The following PTPRG variants were observed in gnomAD, a reference collection of about 807,000 sequenced individuals.
The protein encoded by PTPRG is protein tyrosine phosphatase receptor type G, also known as receptor-type tyrosine-protein phosphatase gamma.
PTPRG carries 102 observed loss-of-function variants against 165.3 expected under a neutral mutation model. That is an observed-to-expected ratio of 0.62 (90% CI 0.53 to 0.73). The LOEUF (loss-of-function observed/expected upper bound fraction) is 0.73, where lower values mean the gene tolerates loss of function less well. Ranked by LOEUF, PTPRG falls within the 30% of genes least tolerant of loss-of-function variation. PTPRG has a pLI of 0.00. For synonymous variants in PTPRG, 675 were observed against 669.5 expected, an observed-to-expected ratio of 1.01 and a Z score of -0.13; for missense variants, 1,866 against 1,861.4, an observed-to-expected ratio of 1.00 and a Z score of -0.05.
At chr3:61,856,310 C>T (rs2037104240) in intron 2 of PTPRG, among the ~76,000 whole-genome samples, 1 of 152,016 alleles carries the variant, frequency 6.6e-6, no homozygotes, top group Non-Finnish European at 1.5e-5. Flanking sequence ...TCCCCACTTC[C>T]CATTTCCCAC....
chr3:61,784,117 CTGTGG>C (rs2034623131), intron 2 of PTPRG, among the ~76,000 whole-genome samples: 1 of 152,130 alleles, frequency 6.6e-6, no homozygotes. Context: ...GAAAACTACA[CTGTGG>C]ACCTAAGAGC....
rs895750816 is a variant in PTPRG, at chr3:61,888,458, C to T, written c.191-101167C>T. ...ACGCCATTTTCCTGCCTCAGCCTCC[C>T]GAGTAGCTGGGACTGGCCCCTGCCA... On this transcript the variant is annotated intron_variant, in intron 2 of 29. Transcript: ENST00000474889. 6.6e-5 allele frequency among the ~76,000 whole-genome samples: 10 copies of T among 151,960 alleles called. No individual in the cohort carries two copies. In the South Asian group the frequency reaches 1.0e-3, roughly 16 times the overall value.
At chr3:62,111,071 G>A (rs1194850954) in intron 5 of PTPRG, among the ~76,000 whole-genome samples, 3 of 152,218 alleles carry the variant, frequency 2.0e-5, no homozygotes, top group African/African-American at 7.2e-5. Context: ...GGAGCCAGAT[G>A]TAGGGAGTCT....
intron 3 of PTPRG, among the ~76,000 whole-genome samples, chr3:61,993,462 G>A (rs189972829): frequency 5.9e-5 from 9 of 152,066 alleles, no homozygotes; most frequent in African/African-American, 1.4e-4. Flanking sequence ...CAGGTGATCC[G>A]CCCACTTCTG....
At chr3:62,179,589 A>G (rs1308682402) in intron 8 of PTPRG, among the ~76,000 whole-genome samples, 1 of 152,176 alleles carries the variant, frequency 6.6e-6, no homozygotes, top group Non-Finnish European at 1.5e-5. Flanking sequence ...TGCTCTTCAG[A>G]GCGTATGGAC....
At chr3:61,883,803 C>G (rs1221296968) in intron 2 of PTPRG, among the ~76,000 whole-genome samples, 1 of 152,162 alleles carries the variant, frequency 6.6e-6, no homozygotes, top group African/African-American at 2.4e-5. Flanking sequence ...CCCTACCTCT[C>G]AGGCTTAAGC....
intron 1 of PTPRG, among the ~76,000 whole-genome samples, chr3:61,701,084 T>A (rs1325880231): frequency 1.3e-5 from 2 of 152,176 alleles, no homozygotes; most frequent in African/African-American, 4.8e-5. Flanking sequence ...CTCCCTGCCC[T>A]CCTTGCTTGC....
intron 2 of PTPRG, among the ~76,000 whole-genome samples, chr3:61,843,964 CTTTTT>C (rs11310810): frequency 2.5e-5 from 3 of 122,090 alleles, no homozygotes; most frequent in Non-Finnish European, 1.7e-5. Context: ...TTTTACAACT[CTTTTT>C]TTTTTTTTTT....
intron 7 of PTPRG, among the ~76,000 whole-genome samples, chr3:62,157,973 A>G (rs1224601034): frequency 6.6e-6 from 1 of 152,200 alleles, no homozygotes; most frequent in Non-Finnish European, 1.5e-5. Context: ...CCAAAGATTC[A>G]TGGTTAATGA....
intron 2 of PTPRG, among the ~76,000 whole-genome samples, chr3:61,894,521 ACAGT>A (rs1206433891): frequency 6.6e-6 from 1 of 152,130 alleles, no homozygotes; most frequent in African/African-American, 2.4e-5. Flanking sequence ...ATGGTTTTTG[ACAGT>A]CATCTCTTAT....
intron 2 of PTPRG, among the ~76,000 whole-genome samples, chr3:61,898,991 C>A (rs1195168008): frequency 6.6e-6 from 1 of 152,154 alleles, no homozygotes; most frequent in Non-Finnish European, 1.5e-5. Context: ...TCACTGTAGC[C>A]TTGAGTTCTT....
intron 2 of PTPRG, among the ~76,000 whole-genome samples, chr3:61,790,904 G>A (rs549538327): frequency 6.6e-6 from 1 of 152,226 alleles, no homozygotes; most frequent in African/African-American, 2.4e-5. Context: ...ATATCAATAA[G>A]ATTAAAGTAT....
chr3:62,278,506 ATAAAAGTTACTGTGTG>A (rs1329235262), intron 26 of PTPRG, among the ~76,000 whole-genome samples: 1 of 152,104 alleles, frequency 6.6e-6, no homozygotes, highest in African/African-American at 2.4e-5. Context: ...AGCTGGGTCT[ATAAAAGTTACTGTGTG>A]GACATGTGAA....
At chr3:62,207,445 CT>C (rs1483967690) in intron 12 of PTPRG, among the ~76,000 whole-genome samples, 1 of 152,218 alleles carries the variant, frequency 6.6e-6, no homozygotes, top group Non-Finnish European at 1.5e-5. Flanking sequence ...TCACCCTGTC[CT>C]TTGCCCTGTC....
chr3:62,028,398 A>C (rs897248913), intron 4 of PTPRG, among the ~76,000 whole-genome samples: 1 of 152,236 alleles, frequency 6.6e-6, no homozygotes, highest in African/African-American at 2.4e-5. Context: ...ACTGAAATGC[A>C]TGACCAAACA....
intron 5 of PTPRG, among the ~76,000 whole-genome samples, chr3:62,127,775 A>C (rs1209621428): frequency 6.6e-6 from 1 of 152,214 alleles, no homozygotes; most frequent in Non-Finnish European, 1.5e-5. Context: ...AGTAAATGGC[A>C]GCACATATCT....
At chr3:62,165,987 A>T (rs1446375616) in intron 7 of PTPRG, among the ~76,000 whole-genome samples, 1 of 151,894 alleles carries the variant, frequency 6.6e-6, no homozygotes, top group East Asian at 1.9e-4. Context: ...ATTAGTATTA[A>T]CTGCCTTCTG....
intron 2 of PTPRG, among the ~76,000 whole-genome samples, chr3:61,914,311 G>GCTTCTA (rs1293417024): frequency 2.0e-5 from 3 of 152,194 alleles, no homozygotes; most frequent in Non-Finnish European, 4.4e-5. Flanking sequence ...TAGTCTTGGA[G>GCTTCTA]CTGGGTCTTC....
intron 2 of PTPRG, among the ~76,000 whole-genome samples, chr3:61,847,996 A>G (rs1186430498): frequency 6.6e-6 from 1 of 152,176 alleles, no homozygotes; most frequent in Non-Finnish European, 1.5e-5. Context: ...ATTTGCAGAG[A>G]CGCCTTGTCC....
Sources: allele counts gnomAD v4.1 joint callset (sites outside exome capture counted in the v4.1 genomes callset), GRCh38; gene constraint gnomAD v4.1.1; transcripts MANE v1.5; gene names NCBI Gene and HGNC (gene_info 2026-07-23, HGNC 2026-07-21).